PCDHGA4: variants seen among roughly 807,000 people sequenced by gnomAD.
The protein encoded by PCDHGA4 is protocadherin gamma-A4.
PCDHGA4 carries 38 observed loss-of-function variants against 54.6 expected under a neutral mutation model. The ratio of observed to expected loss-of-function variants is 0.70; its 90% CI spans 0.54 to 0.91. PCDHGA4 has a LOEUF of 0.91. PCDHGA4 is among the 40% of genes least tolerant of loss of function. The probability of loss-of-function intolerance (pLI) is 0.00; values close to 1 mark genes in which losing one functional copy is unlikely to be tolerated. For synonymous variants in PCDHGA4, 511 were observed against 512.9 expected, an observed-to-expected ratio of 1.00 and a Z score of 0.05; for missense variants, 1,298 against 1,220.9, an observed-to-expected ratio of 1.06 and a Z score of -0.94.
At position 141,360,885 on chromosome 5, in the gene PCDHGA4, C is replaced by T. The variant is rs762942158; in HGVS notation, c.2514+3264C>T. 3 of 1,614,014 alleles carry T rather than the reference C, an allele frequency of 1.9e-6. No homozygotes were observed. The East Asian group carries it at 6.7e-5, about 36-fold the overall frequency. On this transcript the variant is annotated intron_variant, in intron 1 of 3. Coordinates refer to ENST00000571252, the MANE Select transcript of PCDHGA4 (RefSeq NM_018917.4). ...TCAGCCAGGACGTGTACAGGGTCACCCTGAGGGAGGACGTGCCGCCGGGCT... is the reference window on the plus strand; with the variant it reads ...TCAGCCAGGACGTGTACAGGGTCACTCTGAGGGAGGACGTGCCGCCGGGCT...
intron 1 of PCDHGA4, chr5:141,421,475 G>A (rs752558543): frequency 4.3e-6 from 7 of 1,614,150 alleles, no homozygotes. Flanking sequence ...CCGCGAAGCG[G>A]CAGCTTGATC....
rs181172875 is a variant in PCDHGA4 at position 141,355,944 on chromosome 5, C to T, written c.837C>T (p.His279=). The change falls in exon 1 of 4, where the codon CAC becomes CAT. Residue 279 remains histidine (H), a synonymous_variant. Coordinates refer to ENST00000571252, the MANE Select transcript of PCDHGA4 (RefSeq NM_018917.4). ...NAPVFTQPEY[H]VSVRENVPVG... The stretch of plus-strand genomic sequence containing the variant: ...CCGTGTTCACTCAGCCCGAGTACCA[C>T]GTAAGTGTTCGTGAGAACGTTCCTG... 8 of 1,613,864 alleles carry T rather than the reference C, an allele frequency of 5.0e-6. No individual in the cohort carries two copies. The highest frequency in any genetic ancestry group is 1.6e-4 in the Middle Eastern group (1 of 6,062).
At chr5:141,478,683 C>G (rs1355955377) in intron 1 of PCDHGA4, 14 of 1,551,164 alleles carry the variant, frequency 9.0e-6, no homozygotes, top group African/African-American at 1.4e-5. Flanking sequence ...CTGGCCCTTC[C>G]TAGATCAAAG....
Position 141,490,667 on chromosome 5 carries a change from T to C in PCDHGA4, c.2515-4140T>C, listed in dbSNP as rs906656199. The stretch of plus-strand genomic sequence containing the variant: ...CCTCCGGGCTCCCTTCTTTGCACTG[T>C]GGCTGCCTCAGATCCAGACACTGGG... On this transcript the variant is annotated intron_variant, in intron 1 of 3. Transcript: ENST00000571252. This position sits in a 1 kb window ranked among gnomAD's most constrained non-coding sequence, Gnocchi z 5.4. The C allele has an allele frequency of 6.8e-6, 11 of 1,614,206 alleles. 1 individual carries two copies. The highest frequency in any genetic ancestry group is 4.5e-5 in the East Asian group (2 of 44,876).
At chr5:141,415,738 AGGTTTT>A in intron 1 of PCDHGA4, 1 of 538,082 alleles carries the variant, frequency 1.9e-6, no homozygotes, top group South Asian at 3.9e-5. Flanking sequence ...ATGTTTATTA[AGGTTTT>A]TTTTTTTTTT....
chr5:141,393,481 C>T, intron 1 of PCDHGA4: 1 of 1,614,066 alleles, frequency 6.2e-7, no homozygotes. Context: ...CCGCCTCGCT[C>T]TAGCACAGTG....
rs201409669 is a variant in PCDHGA4 at position 141,490,703 on chromosome 5, G to A, written c.2515-4104G>A. The stretch of plus-strand genomic sequence containing the variant: ...GATCCAGACACTGGGGATAATGCCC[G>A]CCTCACCTACTCCATTGTAGGAAAT... On this transcript the variant is annotated intron_variant, in intron 1 of 3. Coordinates refer to ENST00000571252, the MANE Select transcript of PCDHGA4 (RefSeq NM_018917.4). This position sits in a 1 kb window ranked among gnomAD's most constrained non-coding sequence, Gnocchi z 5.4. 2.6e-4 allele frequency: 421 copies of A among 1,614,106 alleles called. No homozygotes were observed. Among genetic ancestry groups the A allele is most frequent in the Middle Eastern group, 6.6e-4 (4 of 6,062 alleles).
intron 1 of PCDHGA4, chr5:141,385,234 C>T: frequency 1.2e-6 from 2 of 1,614,178 alleles, no homozygotes; most frequent in African/African-American, 1.3e-5. Context: ...TGTAGACATG[C>T]TCATCAGCCA....
rs2099383865 is a variant in PCDHGA4, at chr5:141,476,005, A to G, written c.2515-18802A>G. 1 of 1,267,576 alleles carries G rather than the reference A, an allele frequency of 7.9e-7. No homozygotes were observed. Among genetic ancestry groups the G allele is most frequent in the East Asian group, 2.3e-5 (1 of 42,864 alleles). 78.5% of individuals were successfully genotyped at this position (1,267,576 alleles called of 1,614,324 possible). A position where few individuals can be genotyped will look rare whatever the true frequency, so the allele number is the denominator to read the frequency against. ...CGGCGAGCAAATCAACGGCATCCAG[A>G]AAGCCATGTCGGACTCGGCGCCCAG... On this transcript the variant is annotated intron_variant, in intron 1 of 3. Coordinates refer to ENST00000571252, the MANE Select transcript of PCDHGA4 (RefSeq NM_018917.4). This position sits in a 1 kb window ranked among gnomAD's most constrained non-coding sequence, Gnocchi z 7.6.
chr5:141,383,405 G>C (rs189408749), intron 1 of PCDHGA4: 11 of 1,613,898 alleles, frequency 6.8e-6, no homozygotes, highest in Non-Finnish European at 8.5e-6. Context: ...TCCCTCCAGA[G>C]TTACCAGCTC....
In PCDHGA4 at chr5:141,382,679, C is replaced by T. The variant is rs184405216; in HGVS notation, c.2514+25058C>T. On this transcript the variant is annotated intron_variant, in intron 1 of 3. Transcript: ENST00000571252. ...ACTCACAGCGCCGCTGTTCACCAAC[C>T]AGGGAAAAATGGTGCGAGAGATCCC... 912 of 439,966 alleles carry T rather than the reference C, an allele frequency of 2.1e-3. 11 individuals carry two copies. Among genetic ancestry groups the T allele is most frequent in the Non-Finnish European group, 1.1e-3 (277 of 250,538 alleles). 27.3% of individuals were successfully genotyped at this position (439,966 alleles called of 1,614,324 possible). A position where few individuals can be genotyped will look rare whatever the true frequency, so the allele number is the denominator to read the frequency against.
chr5:141,419,872 A>G (rs1354880437), intron 1 of PCDHGA4: 1 of 1,614,094 alleles, frequency 6.2e-7, no homozygotes, highest in Admixed American at 1.7e-5. Flanking sequence ...TGCAAGAGGT[A>G]CTGCCGGATT....
intron 1 of PCDHGA4, chr5:141,427,514 G>A (rs1193674497): frequency 1.7e-6 from 1 of 595,712 alleles, no homozygotes; most frequent in Non-Finnish European, 3.2e-6. Context: ...CCCTGGATTG[G>A]GAGCGGATCC....
intron 1 of PCDHGA4, among the ~76,000 whole-genome samples, chr5:141,453,492 G>T (rs1046043468): frequency 6.6e-6 from 1 of 152,000 alleles, no homozygotes; most frequent in Non-Finnish European, 1.5e-5. Flanking sequence ...AAAAAAAGGT[G>T]TACTCAGAAA....
intron 1 of PCDHGA4, among the ~76,000 whole-genome samples, chr5:141,444,241 G>A (rs1302797543): frequency 3.1e-5 from 4 of 130,308 alleles, no homozygotes; most frequent in Admixed American, 1.9e-4. Flanking sequence ...GCATGCTCTC[G>A]GCTCACTGCA....
chr5:141,361,556 T>C, intron 1 of PCDHGA4: 1 of 1,614,058 alleles, frequency 6.2e-7, no homozygotes, highest in Non-Finnish European at 8.5e-7. Context: ...ATCGCTCAAA[T>C]CAGTGCCTCT....
intron 1 of PCDHGA4, chr5:141,374,427 A>C: frequency 6.2e-7 from 1 of 1,613,980 alleles, no homozygotes; most frequent in Non-Finnish European, 8.5e-7. Flanking sequence ...GATAAACTGA[A>C]TCTTTATCCC....
In PCDHGA4 at chr5:141,490,453, T is replaced by C; in HGVS notation, c.2515-4354T>C. 6.2e-7 allele frequency: 1 copy of C among 1,614,178 alleles called. No homozygotes were observed. Among genetic ancestry groups the C allele is most frequent in the Non-Finnish European group, 8.5e-7 (1 of 1,180,042 alleles). ...GATTAAGCCTTCTGAGAACCACTAC[T>C]CGCTGCTAACCAGCCAGCCTTTGGA... On this transcript the variant is annotated intron_variant, in intron 1 of 3. Coordinates refer to ENST00000571252, the MANE Select transcript of PCDHGA4 (RefSeq NM_018917.4). This position sits in a 1 kb window ranked among gnomAD's most constrained non-coding sequence, Gnocchi z 5.4.
intron 1 of PCDHGA4, among the ~76,000 whole-genome samples, chr5:141,437,331 A>G (rs2097876062): frequency 6.6e-6 from 1 of 152,244 alleles, no homozygotes; most frequent in Non-Finnish European, 1.5e-5. Context: ...TAAAATTTGT[A>G]GCTTCACTGT....
Sources: allele counts gnomAD v4.1 joint callset (sites outside exome capture counted in the v4.1 genomes callset), GRCh38; gene constraint gnomAD v4.1.1; non-coding constraint Gnocchi (gnomAD v3.1); transcripts MANE v1.5; gene names NCBI Gene and HGNC (gene_info 2026-07-23, HGNC 2026-07-21).